Variants in TAS2R1 observed in about 807,000 individuals in gnomAD.
TAS2R1 encodes the protein taste receptor type 2 member 1.
For synonymous variants in TAS2R1, 141 were observed against 134.2 expected, an observed-to-expected ratio of 1.05 and a Z score of -0.35; for missense variants, 370 against 353.4, an observed-to-expected ratio of 1.05 and a Z score of -0.38.
the TAS2R1 span, among the ~76,000 whole-genome samples, chr5:9,848,014 G>A: frequency 6.6e-6 from 1 of 152,186 alleles, no homozygotes; most frequent in African/African-American, 2.4e-5. Context: ...CCAACAATTT[G>A]TGTTTGAACA....
At chr5:9,801,189 C>T in the TAS2R1 span, among the ~76,000 whole-genome samples, 10 of 152,148 alleles carry the variant, frequency 6.6e-5, no homozygotes, top group Non-Finnish European at 1.0e-4. Context: ...AGAGAGAAAC[C>T]AGATGTTCCT....
the TAS2R1 span, among the ~76,000 whole-genome samples, chr5:9,809,064 G>T: frequency 6.6e-6 from 1 of 152,106 alleles, no homozygotes; most frequent in African/African-American, 2.4e-5. Context: ...GAATGAGAAC[G>T]TCTATCCTAT....
chr5:9,864,968 A>G, the TAS2R1 span, among the ~76,000 whole-genome samples: 1 of 152,176 alleles, frequency 6.6e-6, no homozygotes, highest in Non-Finnish European at 1.5e-5. Flanking sequence ...AGCAAGCTGG[A>G]TGGTTGACCT....
At chr5:9,744,598 G>T in the TAS2R1 span, among the ~76,000 whole-genome samples, 510 of 152,212 alleles carry the variant, frequency 3.4e-3, no homozygotes, top group Non-Finnish European at 4.8e-3. Context: ...AGTCTTTCAT[G>T]ACATCATTAG....
the TAS2R1 span, among the ~76,000 whole-genome samples, chr5:9,778,074 G>T: frequency 6.6e-6 from 1 of 151,984 alleles, no homozygotes; most frequent in African/African-American, 2.4e-5. Flanking sequence ...TAGAGACAGG[G>T]TTTCACCTTG....
chr5:9,874,567 A>G, the TAS2R1 span, among the ~76,000 whole-genome samples: 148 of 152,284 alleles, frequency 9.7e-4, no homozygotes, highest in African/African-American at 3.4e-3. Flanking sequence ...TCACTCTGCT[A>G]TCTCCTTCAG....
At chr5:9,898,792 C>T in the TAS2R1 span, among the ~76,000 whole-genome samples, 7 of 152,204 alleles carry the variant, frequency 4.6e-5, no homozygotes, top group Admixed American at 2.0e-4. Context: ...TCCTGCACCC[C>T]TGTCCACAGA....
chr5:9,892,714 C>T, the TAS2R1 span, among the ~76,000 whole-genome samples: 1 of 152,166 alleles, frequency 6.6e-6, no homozygotes, highest in Non-Finnish European at 1.5e-5. Context: ...GGAAAAGCGC[C>T]TCTTATGCCC....
upstream of TAS2R1, among the ~76,000 whole-genome samples, chr5:9,634,810 T>C (rs781442992): frequency 3.2e-4 from 49 of 152,112 alleles, no homozygotes; most frequent in Non-Finnish European, 6.2e-4. Flanking sequence ...CCTGAAACTT[T>C]ACTGAATTCA....
intron 2 of TAS2R1, chr5:9,658,811 C>T (rs1740469371): frequency 1.3e-5 from 2 of 152,182 alleles, no homozygotes; most frequent in African/African-American, 4.8e-5. Flanking sequence ...GGCTGGGAAT[C>T]TAGAGAAATG....
At chr5:9,899,746 A>G in the TAS2R1 span, among the ~76,000 whole-genome samples, 4 of 152,188 alleles carry the variant, frequency 2.6e-5, no homozygotes, top group African/African-American at 7.2e-5. Flanking sequence ...CCCTCTTTAA[A>G]GTGCTTTTTT....
the TAS2R1 span, among the ~76,000 whole-genome samples, chr5:9,782,951 G>A: frequency 6.6e-6 from 1 of 152,144 alleles, no homozygotes; most frequent in African/African-American, 2.4e-5. Context: ...GAGCTAGAGG[G>A]AGGTCAAAGT....
chr5:9,725,093 G>C, the TAS2R1 span, among the ~76,000 whole-genome samples: 1 of 152,258 alleles, frequency 6.6e-6, no homozygotes, highest in Non-Finnish European at 1.5e-5. Context: ...GGACTCCTGA[G>C]AGAAGGGGGT....
chr5:9,645,653 A>G (rs923176571), intron 2 of TAS2R1: 2 of 152,228 alleles, frequency 1.3e-5, no homozygotes, highest in African/African-American at 2.4e-5. Flanking sequence ...AAAGAGATAT[A>G]TCCAGGGATA....
At chr5:9,888,689 T>A in the TAS2R1 span, among the ~76,000 whole-genome samples, 3 of 152,156 alleles carry the variant, frequency 2.0e-5, no homozygotes, top group African/African-American at 7.2e-5. Context: ...GAATCAGATT[T>A]CCAGAAATAA....
chr5:9,690,098 A>G, intron 1 of TAS2R1, among the ~76,000 whole-genome samples: 1 of 152,342 alleles, frequency 6.6e-6, no homozygotes, highest in Non-Finnish European at 1.5e-5. Flanking sequence ...TTTAAAACCT[A>G]AAAACGTGAC....
the TAS2R1 span, among the ~76,000 whole-genome samples, chr5:9,748,147 G>T: frequency 6.6e-6 from 1 of 152,066 alleles, no homozygotes; most frequent in African/African-American, 2.4e-5. Flanking sequence ...TTTGAAAGGA[G>T]AGCTATTCTA....
intron 1 of TAS2R1, among the ~76,000 whole-genome samples, chr5:9,701,976 A>G (rs755193775): frequency 6.6e-6 from 1 of 152,216 alleles, no homozygotes; most frequent in Non-Finnish European, 1.5e-5. Flanking sequence ...AGGTCATTTT[A>G]TGTAGATAAC....
At chr5:9,683,502 T>A (rs1188887274) in intron 1 of TAS2R1, among the ~76,000 whole-genome samples, 6 of 152,198 alleles carry the variant, frequency 3.9e-5, no homozygotes, top group Admixed American at 6.5e-5. Context: ...CAACACATCC[T>A]AATGCTCAAG....
Sources: gnomAD v4.1 joint callset for allele counts (sites outside exome capture counted in the v4.1 genomes callset) on GRCh38, gnomAD v4.1.1 for gene constraint, MANE v1.5 for transcripts, NCBI Gene and HGNC (gene_info 2026-07-23, HGNC 2026-07-21) for gene names.